The following SPOCK1 variants were observed in gnomAD, a reference collection of about 807,000 sequenced individuals.
The protein encoded by SPOCK1 is testican-1.
A neutral mutation model predicts 55.3 loss-of-function variants in SPOCK1; 23 were observed. That is an observed-to-expected ratio of 0.42 (90% CI 0.30 to 0.59). SPOCK1 has a LOEUF of 0.59. Among genes scored for constraint, SPOCK1 ranks in the 20% least tolerant of loss-of-function variants. The pLI is 0.22. For synonymous variants in SPOCK1, 226 were observed against 221.0 expected, an observed-to-expected ratio of 1.02 and a Z score of -0.20; for missense variants, 499 against 552.5, an observed-to-expected ratio of 0.90 and a Z score of 0.97.
intron 3 of SPOCK1, among the ~76,000 whole-genome samples, chr5:137,179,526 G>C (rs1754925888): frequency 6.6e-6 from 1 of 152,102 alleles, no homozygotes; most frequent in Admixed American, 6.6e-5. Flanking sequence ...TTTTCTTAGG[G>C]GAGGGGGTCC....
chr5:137,149,292 T>C (rs961508289), intron 3 of SPOCK1, among the ~76,000 whole-genome samples: 5 of 152,198 alleles, frequency 3.3e-5, no homozygotes, highest in African/African-American at 1.2e-4. Flanking sequence ...GAGAATGGCC[T>C]GGCCTCTAAG....
At chr5:137,429,291 C>T (rs1165430499) in intron 2 of SPOCK1, among the ~76,000 whole-genome samples, 1 of 152,222 alleles carries the variant, frequency 6.6e-6, no homozygotes, top group African/African-American at 2.4e-5. Context: ...AGAAAACTTA[C>T]ATGTACCCTT....
At chr5:137,456,070 A>G (rs1218475244) in intron 2 of SPOCK1, among the ~76,000 whole-genome samples, 2 of 152,084 alleles carry the variant, frequency 1.3e-5, no homozygotes, top group Admixed American at 1.3e-4. Flanking sequence ...GAAGGAAGAA[A>G]GAAGAAAAAG....
At chr5:137,358,533 G>A (rs546098014) in intron 2 of SPOCK1, among the ~76,000 whole-genome samples, 15 of 146,084 alleles carry the variant, frequency 1.0e-4, no homozygotes, top group Admixed American at 1.0e-3. Flanking sequence ...AGGAGTGGGG[G>A]AAGGAAGAGG....
intron 2 of SPOCK1, among the ~76,000 whole-genome samples, chr5:137,452,582 T>C (rs748140157): frequency 5.3e-5 from 8 of 152,230 alleles, no homozygotes; most frequent in Admixed American, 1.3e-4. Context: ...AAAATTGAGA[T>C]TGTAATGTGC....
chr5:137,142,913 T>C (rs1418087720), intron 3 of SPOCK1, among the ~76,000 whole-genome samples: 1 of 152,192 alleles, frequency 6.6e-6, no homozygotes, highest in African/African-American at 2.4e-5. Flanking sequence ...CCAAGAATCA[T>C]TCAAAATTGA....
intron 3 of SPOCK1, among the ~76,000 whole-genome samples, chr5:137,221,179 T>C (rs1339769719): frequency 6.6e-6 from 1 of 152,242 alleles, no homozygotes; most frequent in African/African-American, 2.4e-5. Context: ...GAAATTTCCA[T>C]TTTAAATGTC....
Position 136,988,671 on chromosome 5 carries a change from GCCA to G in SPOCK1, c.707-31_707-29del, listed in dbSNP as rs754370103. On this transcript the variant is annotated intron_variant, in intron 7 of 10. Transcript: ENST00000394945. The stretch of plus-strand genomic sequence containing the variant: ...GCCAAACAAAAGGCATATCTCAGCT[GCCA>G]CCAAGCCTGATGCTTTCCTCCCTGC... The G allele has an allele frequency of 1.5e-5, 24 of 1,590,524 alleles. No homozygotes were observed. In the Admixed American group the frequency reaches 3.2e-4, roughly 21 times the overall value.
chr5:137,371,520 C>T (rs1751202471), intron 2 of SPOCK1, among the ~76,000 whole-genome samples: 2 of 152,180 alleles, frequency 1.3e-5, no homozygotes. Context: ...AGTGAGCAGC[C>T]ATCCCTTTAG....
chr5:137,055,834 CA>C (rs1416781091), intron 6 of SPOCK1, among the ~76,000 whole-genome samples: 1 of 152,052 alleles, frequency 6.6e-6, no homozygotes, highest in African/African-American at 2.4e-5. Context: ...GGCATCTTCC[CA>C]GTGCAGAGGA....
At chr5:137,337,546 C>T (rs766988850) in intron 2 of SPOCK1, among the ~76,000 whole-genome samples, 26 of 152,152 alleles carry the variant, frequency 1.7e-4, no homozygotes, top group Non-Finnish European at 1.9e-4. Context: ...CCTCCACTTC[C>T]GGACATTCTG....
At chr5:137,106,025 C>A (rs1211294073) in intron 5 of SPOCK1, among the ~76,000 whole-genome samples, 1 of 152,124 alleles carries the variant, frequency 6.6e-6, no homozygotes, top group Non-Finnish European at 1.5e-5. Context: ...GGGAAGTGAG[C>A]AGTCAGCCCT....
intron 5 of SPOCK1, among the ~76,000 whole-genome samples, chr5:137,080,397 G>A (rs1752861535): frequency 6.6e-6 from 1 of 152,214 alleles, no homozygotes; most frequent in African/African-American, 2.4e-5. Flanking sequence ...GGGCTGTGCT[G>A]ACAATGGTCT....
rs1752320819 is a variant in SPOCK1 at position 137,416,065 on chromosome 5, G to GA, written c.186+82307dup. Among the ~76,000 whole-genome samples the GA allele has an allele frequency of 2.0e-5, 3 of 151,770 alleles. No individual in the cohort carries two copies. The South Asian group carries it at 6.2e-4, about 32-fold the overall frequency. On this transcript the variant is annotated intron_variant, in intron 2 of 10. Transcript: ENST00000394945. Reference sequence around the variant, plus strand: ...CATAAAACCTTAAAATCAGCCAGAGGAAAAATAGACATGTTACATACAGAG... The same window carrying GA: ...CATAAAACCTTAAAATCAGCCAGAGGAAAAAATAGACATGTTACATACAGAG...
At chr5:137,344,702 C>A (rs1750516355) in intron 2 of SPOCK1, among the ~76,000 whole-genome samples, 1 of 152,176 alleles carries the variant, frequency 6.6e-6, no homozygotes, top group Non-Finnish European at 1.5e-5. Context: ...TGCTGTCAAG[C>A]AATGGTTTTA....
intron 3 of SPOCK1, among the ~76,000 whole-genome samples, chr5:137,173,601 G>C (rs1350436905): frequency 2.0e-5 from 3 of 152,162 alleles, no homozygotes; most frequent in South Asian, 2.1e-4. Context: ...CTGTGGACTA[G>C]AATGATGATA....
At chr5:137,362,309 CTT>C (rs1346136051) in intron 2 of SPOCK1, among the ~76,000 whole-genome samples, 2 of 150,536 alleles carry the variant, frequency 1.3e-5, no homozygotes, top group East Asian at 3.9e-4. Context: ...TTATTAAGGA[CTT>C]AACACAGACG....
chr5:137,070,919 T>C (rs748723202), intron 5 of SPOCK1, among the ~76,000 whole-genome samples: 1 of 152,124 alleles, frequency 6.6e-6, no homozygotes, highest in Non-Finnish European at 1.5e-5. Context: ...TTATCTCTTA[T>C]CTGTATCAGT....
rs539948692 is a variant in SPOCK1 at position 137,155,412 on chromosome 5, G to T, written c.233-14718C>A. ...ACTCTTGCAACTCCAGAAATCAGAA[G>T]GCTGATCACCTCACTTGGCCTCTAT... On this transcript the variant is annotated intron_variant, in intron 3 of 10. Coordinates refer to ENST00000394945, the MANE Select transcript of SPOCK1 (RefSeq NM_004598.4). Among the ~76,000 whole-genome samples, 79 of 152,290 alleles carry T rather than the reference G, an allele frequency of 5.2e-4. 1 individual carries two copies. Among genetic ancestry groups the T allele is most frequent in the Admixed American group, 1.7e-3 (26 of 15,286 alleles).
Sources: allele counts gnomAD v4.1 joint callset (sites outside exome capture counted in the v4.1 genomes callset), GRCh38; gene constraint gnomAD v4.1.1; transcripts MANE v1.5; gene names NCBI Gene and HGNC (gene_info 2026-07-23, HGNC 2026-07-21).